Variants in SUSD6 observed in about 807,000 individuals in gnomAD.
The protein encoded by SUSD6 is sushi domain containing 6, also known as sushi domain-containing protein 6.
In SUSD6, 16 loss-of-function variants were observed where a neutral mutation model predicts 28.4. The ratio of observed to expected loss-of-function variants is 0.56; its 90% CI spans 0.38 to 0.86. SUSD6 has a LOEUF of 0.86. Ranked by LOEUF, SUSD6 falls within the 40% of genes least tolerant of loss-of-function variation. The pLI is 0.00. For synonymous variants in SUSD6, 147 were observed against 159.6 expected (o/e 0.92, Z 0.59); for missense variants, 341 against 384.2 (o/e 0.89, Z 0.94).
chr14:69,623,636 A>G (rs931604529), intron 1 of SUSD6, among the ~76,000 whole-genome samples: 2 of 152,322 alleles, frequency 1.3e-5, no homozygotes, highest in African/African-American at 2.4e-5. Context: ...TCCAGGAGGC[A>G]TTGTTACAGG....
chr14:69,636,563 A>G (rs568743832), intron 1 of SUSD6, among the ~76,000 whole-genome samples: 66 of 152,272 alleles, frequency 4.3e-4, no homozygotes, highest in South Asian at 4.1e-3. Context: ...TTCCTGGGGG[A>G]ACCCATTGTT....
Position 69,711,316 on chromosome 14 carries a change from G to A in SUSD6, c.*337G>A, listed in dbSNP as rs1886460221. 2.6e-6 allele frequency: 1 copy of A among 381,234 alleles called. No individual in the cohort carries two copies. The highest frequency in any genetic ancestry group is 4.9e-6 in the Non-Finnish European group (1 of 205,758). The allele number at this position is 381,234 out of a possible 1,614,324, so 23.6% of individuals were successfully genotyped here. A position where few individuals can be genotyped will look rare whatever the true frequency, so the allele number is the denominator to read the frequency against. ...AGCTCTTTGGCGGCAGCCCCCACCA[G>A]CTCCTGTGGGCCTGAGTGCTGCTGT... On this transcript the variant is annotated 3_prime_UTR_variant, in exon 6 of 6. Coordinates refer to ENST00000342745, the MANE Select transcript of SUSD6 (RefSeq NM_014734.4).
At chr14:69,616,096 A>G (rs1039650709) in intron 1 of SUSD6, among the ~76,000 whole-genome samples, 20 of 152,206 alleles carry the variant, frequency 1.3e-4, no homozygotes, top group African/African-American at 4.3e-4. Flanking sequence ...TGATGACAGT[A>G]ATAGATTCTC....
intron 5 of SUSD6, 89 bp downstream of exon 5, chr14:69,709,193 G>C: frequency 8.1e-7 from 1 of 1,238,034 alleles, no homozygotes; most frequent in Non-Finnish European, 1.1e-6. Context: ...TAAATAATTG[G>C]TATATTTTTA....
At chr14:69,622,606 T>G (rs1055379296) in intron 1 of SUSD6, among the ~76,000 whole-genome samples, 3 of 152,180 alleles carry the variant, frequency 2.0e-5, no homozygotes, top group African/African-American at 7.2e-5. Flanking sequence ...TGCTTTTTGT[T>G]TTTTTGAGAT....
intron 1 of SUSD6, among the ~76,000 whole-genome samples, chr14:69,648,971 C>CT: frequency 6.6e-6 from 1 of 152,282 alleles, no homozygotes; most frequent in East Asian, 1.9e-4. Context: ...ATGCAAAACA[C>CT]TGTCCTGGGA....
In SUSD6 at chr14:69,639,956, GTTT is replaced by G. The variant is rs11463756; in HGVS notation, c.-80-18536_-80-18534del. ...AGAGTCCCTCTGGGGCACCTACACTGTTTTTTTTTTTTTTTTTTTTTTTGCGGG... is the reference window on the plus strand; with the variant it reads ...AGAGTCCCTCTGGGGCACCTACACTGTTTTTTTTTTTTTTTTTTTTGCGGG... On this transcript the variant is annotated intron_variant, in intron 1 of 5. Coordinates refer to ENST00000342745, the MANE Select transcript of SUSD6 (RefSeq NM_014734.4). 6.1e-3 allele frequency among the ~76,000 whole-genome samples: 497 copies of G among 81,662 alleles called. 1 individual carries two copies. The highest frequency in any genetic ancestry group is 0.022 in the African/African-American group (464 of 21,350). 53.6% of individuals were successfully genotyped at this position (81,662 alleles called of 152,430 possible). A position where few individuals can be genotyped will look rare whatever the true frequency, so the allele number is the denominator to read the frequency against.
At chr14:69,687,735 G>A (rs1208593214) in intron 2 of SUSD6, among the ~76,000 whole-genome samples, 4 of 152,196 alleles carry the variant, frequency 2.6e-5, no homozygotes, top group African/African-American at 9.7e-5. Context: ...TGCCTGGCTG[G>A]CCACGACATG....
intron 1 of SUSD6, among the ~76,000 whole-genome samples, chr14:69,637,707 C>T (rs1885285643): frequency 6.6e-6 from 1 of 152,164 alleles, no homozygotes; most frequent in Non-Finnish European, 1.5e-5. Flanking sequence ...TGGTCCTCCT[C>T]ATCTCCAGCC....
intron 2 of SUSD6, among the ~76,000 whole-genome samples, chr14:69,677,511 C>T (rs150267688): frequency 0.034 from 5,113 of 150,578 alleles, 302 homozygotes; most frequent in African/African-American, 0.12. Context: ...CACGCCACCG[C>T]GCTCCAGCCT....
In SUSD6 at chr14:69,708,856, G is replaced by C. The variant is rs955916658; in HGVS notation, c.638G>C (p.Arg213Thr). Residue 213 changes from arginine (R) to threonine (T), a missense_variant, in exon 5 of 6, where the codon AGG becomes ACG. Physicochemically the swap from Arg to Thr is moderately conservative, Grantham distance 71 (BLOSUM62 -1). Coordinates refer to ENST00000342745, the MANE Select transcript of SUSD6 (RefSeq NM_014734.4). ...GSGPSGRSVP[R>T]EQQLPDQGAC... ...GGGCCCAGTGGGAGGAGCGTGCCAA[G>C]GGAGCAACAGCTGCCGGACCAAGGG... The C allele has an allele frequency of 6.2e-7, 1 of 1,614,048 alleles. No individual in the cohort carries two copies. The highest frequency in any genetic ancestry group is 1.3e-5 in the African/African-American group (1 of 74,912).
chr14:69,622,386 T>C (rs1885054094), intron 1 of SUSD6, among the ~76,000 whole-genome samples: 1 of 152,154 alleles, frequency 6.6e-6, no homozygotes, highest in African/African-American at 2.4e-5. Flanking sequence ...CAGGCCGGTC[T>C]TGAGCTCCTG....
chr14:69,702,996 T>G (rs1220060045), intron 2 of SUSD6, among the ~76,000 whole-genome samples: 1 of 152,212 alleles, frequency 6.6e-6, no homozygotes, highest in Non-Finnish European at 1.5e-5. Context: ...CTGACATTGA[T>G]AGTGGAAACA....
chr14:69,622,365 G>T (rs1268080305), intron 1 of SUSD6, among the ~76,000 whole-genome samples: 2 of 151,912 alleles, frequency 1.3e-5, no homozygotes, highest in Admixed American at 1.3e-4. Context: ...ACGGGGTTTT[G>T]CCATGTTGCC....
rs150708459 is a variant in SUSD6 at position 69,671,349 on chromosome 14, T to C, written c.121+12636T>C. Among the ~76,000 whole-genome samples, 149 of 152,280 alleles carry C rather than the reference T, an allele frequency of 9.8e-4. 1 individual carries two copies. Among genetic ancestry groups the C allele is most frequent in the African/African-American group, 3.4e-3 (143 of 41,570 alleles). Reference sequence around the variant, plus strand: ...GAATAGCAGTGGGCACCTATTTGCCTATGGGACAGGAAGTGATGGGCTAGG... The same window carrying C: ...GAATAGCAGTGGGCACCTATTTGCCCATGGGACAGGAAGTGATGGGCTAGG... On this transcript the variant is annotated intron_variant, in intron 2 of 5. Coordinates refer to ENST00000342745, the MANE Select transcript of SUSD6 (RefSeq NM_014734.4).
At chr14:69,680,868 C>G (rs1885988038) in intron 2 of SUSD6, among the ~76,000 whole-genome samples, 1 of 152,144 alleles carries the variant, frequency 6.6e-6, no homozygotes, top group Non-Finnish European at 1.5e-5. Flanking sequence ...CCACTGATAG[C>G]CTTTCCAGTC....
chr14:69,704,534 G>T, intron 3 of SUSD6, 70 bp from the exon 4 acceptor site: 2 of 1,507,048 alleles, frequency 1.3e-6, no homozygotes, highest in East Asian at 2.3e-5. Context: ...GACAAGATCA[G>T]CTGTGGGGCC....
Position 69,612,367 on chromosome 14 carries a change from C to A in SUSD6, c.-81+539C>A, listed in dbSNP as rs557827956. 4.9e-4 allele frequency among the ~76,000 whole-genome samples: 74 copies of A among 152,322 alleles called. No individual in the cohort carries two copies. The South Asian group carries it at 0.014, about 30-fold the overall frequency. On this transcript the variant is annotated intron_variant, in intron 1 of 5. Coordinates refer to ENST00000342745, the MANE Select transcript of SUSD6 (RefSeq NM_014734.4). ...CGGGAGCCCCCGCGCCTCGGCTGCT[C>A]TTTAATCTCAAAAACTTCTCTTATT...
chr14:69,646,081 A>T (rs1302884731), intron 1 of SUSD6, among the ~76,000 whole-genome samples: 1 of 152,034 alleles, frequency 6.6e-6, no homozygotes, highest in Non-Finnish European at 1.5e-5. Context: ...AATTTGATAT[A>T]ATCTGCCTTC....
Sources: allele counts gnomAD v4.1 joint callset (sites outside exome capture counted in the v4.1 genomes callset), GRCh38; gene constraint gnomAD v4.1.1; transcripts MANE v1.5; gene names NCBI Gene and HGNC (gene_info 2026-07-23, HGNC 2026-07-21).